GRAMD1B: variants seen among roughly 807,000 people sequenced by gnomAD.
GRAMD1B encodes the protein GRAM domain containing 1B, also known as protein Aster-B.
In GRAMD1B, 37 loss-of-function variants were observed where a neutral mutation model predicts 99.7. That is an observed-to-expected ratio of 0.37 (90% CI 0.29 to 0.49). The LOEUF (loss-of-function observed/expected upper bound fraction) is 0.49, where lower values mean the gene tolerates loss of function less well. Ranked by LOEUF, GRAMD1B falls within the 20% of genes least tolerant of loss-of-function variation. The pLI is 0.98. For synonymous variants in GRAMD1B, 427 were observed against 387.6 expected (o/e 1.10, Z -1.19); for missense variants, 888 against 1,009.2 (o/e 0.88, Z 1.63).
chr11:123,609,943 C>T (rs757281887), intron 13 of GRAMD1B, 30 bp downstream of exon 13: 20 of 1,247,630 alleles, frequency 1.6e-5, no homozygotes, highest in Admixed American at 3.9e-5. Context: ...CACAGAAGAG[C>T]GAGCTGGAAA....
intron 1 of GRAMD1B, among the ~76,000 whole-genome samples, chr11:123,448,023 T>C (rs1411112777): frequency 6.8e-6 from 1 of 147,498 alleles, no homozygotes; most frequent in African/African-American, 2.6e-5. Flanking sequence ...TCTTCTTTTA[T>C]ATATGTATTT....
At chr11:123,478,603 T>G (rs957810141) in intron 1 of GRAMD1B, among the ~76,000 whole-genome samples, 9 of 152,188 alleles carry the variant, frequency 5.9e-5, no homozygotes. Context: ...GTGGGTAAAC[T>G]TGCAAATATC....
chr11:123,609,942 G>A, intron 13 of GRAMD1B, 29 bp downstream of exon 13: 1 of 1,260,934 alleles, frequency 7.9e-7, no homozygotes, highest in Non-Finnish European at 1.1e-6. Flanking sequence ...GCACAGAAGA[G>A]CGAGCTGGAA....
At position 123,491,271 on chromosome 11, in the gene GRAMD1B, A is replaced by G. The variant is rs186001814; in HGVS notation, c.452+10378A>G. On this transcript the variant is annotated intron_variant, in intron 2 of 19. Coordinates refer to ENST00000635736, the MANE Select transcript of GRAMD1B (RefSeq NM_001387025.1). The stretch of plus-strand genomic sequence containing the variant: ...CCACTGGGATAGGTAGCTTCCTAGT[A>G]GAAGAGGAAGTCTTTTCAATTTTGC... 1.8e-4 allele frequency among the ~76,000 whole-genome samples: 28 copies of G among 152,328 alleles called. No homozygotes were observed. In the East Asian group the frequency reaches 5.2e-3, roughly 28 times the overall value.
intron 1 of GRAMD1B, among the ~76,000 whole-genome samples, chr11:123,390,151 A>AG (rs397715453): frequency 7.2e-6 from 1 of 138,562 alleles, no homozygotes; most frequent in Non-Finnish European, 1.6e-5. Context: ...AAAAAAAAAA[A>AG]GAGAGAGAGA....
At chr11:123,394,618 T>G (rs1426739648) in intron 1 of GRAMD1B, among the ~76,000 whole-genome samples, 1 of 152,254 alleles carries the variant, frequency 6.6e-6, no homozygotes, top group Non-Finnish European at 1.5e-5. Context: ...AGCTCCATTC[T>G]AAGTATGTTC....
At chr11:123,446,346 A>G (rs1373753525) in intron 1 of GRAMD1B, among the ~76,000 whole-genome samples, 1 of 151,808 alleles carries the variant, frequency 6.6e-6, no homozygotes. Context: ...TTGTGTTTTT[A>G]GTAGAGATGG....
At chr11:123,590,261 T>C (rs1324240157) in intron 4 of GRAMD1B, among the ~76,000 whole-genome samples, 1 of 152,182 alleles carries the variant, frequency 6.6e-6, no homozygotes, top group Non-Finnish European at 1.5e-5. Flanking sequence ...TGTCTGAAAC[T>C]GGATCAGCAA....
At chr11:123,372,328 G>A (rs1946556108) in intron 1 of GRAMD1B, among the ~76,000 whole-genome samples, 1 of 152,094 alleles carries the variant, frequency 6.6e-6, no homozygotes, top group Non-Finnish European at 1.5e-5. Context: ...TATGTTCCTG[G>A]CCATTTAGGA....
intron 1 of GRAMD1B, among the ~76,000 whole-genome samples, chr11:123,374,048 G>A (rs966257520): frequency 3.3e-5 from 5 of 152,086 alleles, no homozygotes; most frequent in East Asian, 1.9e-4. Context: ...TGTGAGATGC[G>A]GTAGGTGTTT....
intron 1 of GRAMD1B, among the ~76,000 whole-genome samples, chr11:123,379,216 A>T (rs1946789949): frequency 6.6e-6 from 1 of 152,208 alleles, no homozygotes; most frequent in Non-Finnish European, 1.5e-5. Flanking sequence ...AGTCTCTCTG[A>T]TTTGAACGGG....
intron 4 of GRAMD1B, among the ~76,000 whole-genome samples, chr11:123,586,676 C>T (rs753228459): frequency 3.3e-5 from 5 of 152,322 alleles, no homozygotes; most frequent in Non-Finnish European, 2.9e-5. Context: ...CTGTCATCTG[C>T]GCCTCTTCAG....
At chr11:123,524,703 C>T (rs992349230) in intron 2 of GRAMD1B, among the ~76,000 whole-genome samples, 4 of 152,096 alleles carry the variant, frequency 2.6e-5, no homozygotes, top group South Asian at 2.1e-4. Flanking sequence ...TCATACGACA[C>T]GAGGATGTCT....
intron 1 of GRAMD1B, among the ~76,000 whole-genome samples, chr11:123,443,020 G>T (rs1013671791): frequency 6.6e-6 from 1 of 152,094 alleles, no homozygotes; most frequent in Admixed American, 6.6e-5. Flanking sequence ...TTTTACTGCA[G>T]TCTGTTTTAT....
At position 123,400,792 on chromosome 11, in the gene GRAMD1B, A is replaced by T. The variant is rs371573517; in HGVS notation, c.-176+41993A>T. Among the ~76,000 whole-genome samples, 16 of 152,286 alleles carry T rather than the reference A, an allele frequency of 1.1e-4. No homozygotes were observed. In the South Asian group the frequency reaches 3.3e-3, roughly 32 times the overall value. On this transcript the variant is annotated intron_variant, in intron 1 of 20. Transcript: ENST00000638157. Reference sequence around the variant, plus strand: ...GGAAACATAATATTCAGTCTACAGTATATGGTTTGCATATATGTTCTGTCA... The same window carrying T: ...GGAAACATAATATTCAGTCTACAGTTTATGGTTTGCATATATGTTCTGTCA...
chr11:123,454,045 C>A (rs17127377), intron 1 of GRAMD1B, among the ~76,000 whole-genome samples: 3 of 152,224 alleles, frequency 2.0e-5, no homozygotes, highest in Non-Finnish European at 4.4e-5. Context: ...TTCCCAGCAG[C>A]TGAGTGTGAC....
At chr11:123,621,866 TTTTC>T (rs1222941136) in intron 19 of GRAMD1B, among the ~76,000 whole-genome samples, 3 of 73,618 alleles carry the variant, frequency 4.1e-5, no homozygotes, top group Non-Finnish European at 8.8e-5. Context: ...TCTTTCTTTC[TTTTC>T]TTTCTTTCTT....
chr11:123,514,015 ACCAGAGGGTTATTAAATGCTGACTGTATG>A (rs1225669010), intron 2 of GRAMD1B, among the ~76,000 whole-genome samples: 1 of 152,104 alleles, frequency 6.6e-6, no homozygotes, highest in Non-Finnish European at 1.5e-5. Context: ...CCATTCATTC[ACCAGAGGGTTATTAAATGCTGACTGTATG>A]CCAGTGGAGA....
intron 4 of GRAMD1B, 38 bp from the exon 5 acceptor site, chr11:123,594,044 C>G: frequency 1.5e-6 from 2 of 1,370,800 alleles, no homozygotes; most frequent in Non-Finnish European, 2.1e-6. Context: ...CCCACAGAAC[C>G]GGGGTACATC....
Sources: gnomAD v4.1 joint callset for allele counts (sites outside exome capture counted in the v4.1 genomes callset) on GRCh38, gnomAD v4.1.1 for gene constraint, MANE v1.5 for transcripts, NCBI Gene and HGNC (gene_info 2026-07-23, HGNC 2026-07-21) for gene names.